PHC2: variants seen among roughly 807,000 people sequenced by gnomAD.
PHC2 encodes polyhomeotic-like protein 2.
PHC2 carries 29 observed loss-of-function variants against 87.4 expected under a neutral mutation model. The ratio of observed to expected loss-of-function variants is 0.33; its 90% CI spans 0.25 to 0.45. PHC2 has a LOEUF of 0.45. PHC2 is among the 20% of genes least tolerant of loss of function. PHC2 has a pLI of 1.00. For missense variants in PHC2, 857 were observed against 1,136.7 expected (o/e 0.75, Z 3.54); for synonymous variants, 438 against 461.7 (o/e 0.95, Z 0.66).
chr1:33,417,206 C>T (rs1360986455), intron 1 of PHC2, among the ~76,000 whole-genome samples: 1 of 150,412 alleles, frequency 6.6e-6, no homozygotes, highest in African/African-American at 2.4e-5. Flanking sequence ...CAAAATGAGG[C>T]CAAAAAAAAG....
chr1:33,416,553 G>A (rs535633545), intron 1 of PHC2, among the ~76,000 whole-genome samples: 1 of 130,724 alleles, frequency 7.6e-6, no homozygotes, highest in East Asian at 2.4e-4. Context: ...TCCAGCCTGG[G>A]CAACAGAGTG....
chr1:33,397,620 G>C (rs539132968), intron 1 of PHC2, among the ~76,000 whole-genome samples: 4 of 152,186 alleles, frequency 2.6e-5, no homozygotes, highest in Admixed American at 2.0e-4. Context: ...TCCTGAGTCT[G>C]TTCCTCTGGC....
intron 9 of PHC2, among the ~76,000 whole-genome samples, chr1:33,338,879 G>A (rs924396331): frequency 2.0e-5 from 3 of 152,184 alleles, no homozygotes; most frequent in Non-Finnish European, 4.4e-5. Flanking sequence ...CTTCGGTGGG[G>A]GAAGGGGGAG....
chr1:33,368,826 C>A lies in PHC2; in HGVS notation c.577-204G>T, dbSNP rs191120076. ...AAAGGAAGGGGGAGTCCAAGGGGAGCGCCTGCCTTTCTCTAGAGGCTCGTT... is the reference window on the plus strand; with the variant it reads ...AAAGGAAGGGGGAGTCCAAGGGGAGAGCCTGCCTTTCTCTAGAGGCTCGTT... On this transcript the variant is annotated intron_variant, in intron 5 of 14. Coordinates refer to ENST00000683057, the MANE Select transcript of PHC2 (RefSeq NM_001385109.1). This position sits in a 1 kb window ranked among gnomAD's most constrained non-coding sequence, Gnocchi z 6.6. 1.3e-5 allele frequency among the ~76,000 whole-genome samples: 2 copies of A among 152,230 alleles called. No homozygotes were observed. Among genetic ancestry groups the A allele is most frequent in the Admixed American group, 6.5e-5 (1 of 15,302 alleles).
intron 1 of PHC2, among the ~76,000 whole-genome samples, chr1:33,385,345 G>GTA (rs1306591712): frequency 6.6e-6 from 1 of 152,168 alleles, no homozygotes; most frequent in Non-Finnish European, 1.5e-5. Context: ...CAAAGGCAAA[G>GTA]TATCATGAGA....
intron 9 of PHC2, among the ~76,000 whole-genome samples, chr1:33,343,655 A>G (rs932147367): frequency 2.0e-5 from 3 of 152,192 alleles, no homozygotes; most frequent in Non-Finnish European, 2.9e-5. Context: ...GCTTGGACAC[A>G]GGAGTGCCAA....
intron 7 of PHC2, among the ~76,000 whole-genome samples, chr1:33,366,410 C>A (rs1450885362): frequency 2.0e-5 from 3 of 152,206 alleles, no homozygotes; most frequent in Non-Finnish European, 4.4e-5. Context: ...GGAAAGGGGT[C>A]TAGCAGGGCA....
intron 9 of PHC2, chr1:33,346,956 G>A: frequency 1.0e-6 from 1 of 985,408 alleles, no homozygotes; most frequent in African/African-American, 1.7e-5. Flanking sequence ...GCCTATGTAA[G>A]AGCATACAAG....
intron 1 of PHC2, among the ~76,000 whole-genome samples, chr1:33,402,655 A>G (rs1173166123): frequency 6.6e-6 from 1 of 152,242 alleles, no homozygotes; most frequent in East Asian, 1.9e-4. Context: ...AACACAGACA[A>G]ATCTCAAAAA....
At position 33,354,875 on chromosome 1, in the gene PHC2, G is replaced by A; in HGVS notation, c.1355C>T (p.Ser452Leu). 6.2e-7 allele frequency: 1 copy of A among 1,614,174 alleles called. No homozygotes were observed. The highest frequency in any genetic ancestry group is 8.5e-7 in the Non-Finnish European group (1 of 1,180,026). Residue 452 changes from serine (S) to leucine (L), a missense_variant, in exon 8 of 15, where the codon TCA (serine) becomes TTA (leucine). Coordinates refer to ENST00000683057, the MANE Select transcript of PHC2 (RefSeq NM_001385109.1). The part of the protein sequence containing the change: ...HTPQRRFQHT[S>L]AVILQLQPAS... ...AGGCTGCAGTTGTAAGATGACAGCT[G>A]AAGTGTGCTGGAACCTGCGTTGAGG... is the stretch of plus-strand genomic sequence containing the variant.
chr1:33,362,748 C>T (rs541255620), intron 7 of PHC2, among the ~76,000 whole-genome samples: 194 of 98,850 alleles, frequency 2.0e-3, no homozygotes, highest in Non-Finnish European at 2.9e-3. Context: ...CCTCCTGTTC[C>T]ATTCTTGAAA....
intron 9 of PHC2, among the ~76,000 whole-genome samples, chr1:33,337,382 T>C (rs1646661947): frequency 6.6e-6 from 1 of 152,202 alleles, no homozygotes; most frequent in Admixed American, 6.5e-5. Context: ...TTTCTATTAA[T>C]TTCTGCCCAG....
chr1:33,395,228 G>A (rs1456002038), intron 1 of PHC2, among the ~76,000 whole-genome samples: 1 of 152,078 alleles, frequency 6.6e-6, no homozygotes, highest in East Asian at 1.9e-4. Flanking sequence ...TATTTATATG[G>A]AGTTCTTAGA....
intron 9 of PHC2, among the ~76,000 whole-genome samples, chr1:33,340,746 G>A (rs746882816): frequency 1.3e-5 from 2 of 152,052 alleles, no homozygotes; most frequent in East Asian, 1.9e-4. Flanking sequence ...AGGAGGGAGG[G>A]GAACAGGCAG....
In PHC2 at chr1:33,364,558, G is replaced by A. The variant is rs974204186; in HGVS notation, c.976+2558C>T. Among the ~76,000 whole-genome samples the A allele has an allele frequency of 3.3e-5, 5 of 152,190 alleles. No individual in the cohort carries two copies. Among genetic ancestry groups the A allele is most frequent in the Non-Finnish European group, 7.3e-5 (5 of 68,042 alleles). On this transcript the variant is annotated intron_variant, in intron 7 of 14. Transcript: ENST00000683057. The surrounding 1 kb of genome is among the most constrained non-coding windows in gnomAD (Gnocchi z 4.1). ...AAGACAGGTGCTGCTCCTGGCTGCC[G>A]TGCACTAGGTCCTAAGAATGATTTC...
At chr1:33,415,829 T>G (rs1468312561) in intron 1 of PHC2, among the ~76,000 whole-genome samples, 2 of 152,126 alleles carry the variant, frequency 1.3e-5, no homozygotes, top group Non-Finnish European at 2.9e-5. Context: ...AAGACATAAA[T>G]TAAACTTTTA....
At chr1:33,388,803 G>A (rs577878002) in intron 1 of PHC2, among the ~76,000 whole-genome samples, 1 of 152,270 alleles carries the variant, frequency 6.6e-6, no homozygotes, top group South Asian at 2.1e-4. Context: ...ATTACATGAG[G>A]CAGCAGGTTC....
chr1:33,412,946 GTT>G (rs67654953), intron 1 of PHC2, among the ~76,000 whole-genome samples: 78 of 150,256 alleles, frequency 5.2e-4, no homozygotes, highest in African/African-American at 1.7e-3. Flanking sequence ...ATATGGACTT[GTT>G]TTTTTTTTGT....
At chr1:33,408,936 G>A (rs1007737732) in intron 1 of PHC2, among the ~76,000 whole-genome samples, 6 of 152,126 alleles carry the variant, frequency 3.9e-5, no homozygotes, top group Admixed American at 6.5e-5. Flanking sequence ...CCTACTTGTT[G>A]TAGACCACTA....
Sources: allele counts gnomAD v4.1 joint callset (sites outside exome capture counted in the v4.1 genomes callset), GRCh38; gene constraint gnomAD v4.1.1; non-coding constraint Gnocchi (gnomAD v3.1); transcripts MANE v1.5; gene names NCBI Gene and HGNC (gene_info 2026-07-23, HGNC 2026-07-21).